PIK3AP1: variants seen among roughly 807,000 people sequenced by gnomAD.
PIK3AP1 encodes the protein phosphoinositide 3-kinase adapter protein 1.
In PIK3AP1, 21 loss-of-function variants were observed where a neutral mutation model predicts 88.1. The observed-to-expected ratio is 0.24, with a 90% CI of 0.17 to 0.34. The LOEUF is 0.34. PIK3AP1 is among the 10% of genes least tolerant of loss of function. The pLI, the probability that PIK3AP1 is intolerant of heterozygous loss-of-function variation, is 1.00. For missense variants in PIK3AP1, 828 were observed against 1,035.7 expected, an observed-to-expected ratio of 0.80 and a Z score of 2.75; for synonymous variants, 398 against 400.0, an observed-to-expected ratio of 1.00 and a Z score of 0.06.
intron 16 of PIK3AP1, among the ~76,000 whole-genome samples, chr10:96,597,365 T>TCC (rs1848788099): frequency 8.9e-6 from 1 of 112,542 alleles, no homozygotes; most frequent in Non-Finnish European, 1.8e-5. Flanking sequence ...CCTCTCTCTC[T>TCC]CTCTCTCTCT....
At chr10:96,656,133 C>G (rs1843611671) in intron 3 of PIK3AP1, among the ~76,000 whole-genome samples, 1 of 152,218 alleles carries the variant, frequency 6.6e-6, no homozygotes, top group Non-Finnish European at 1.5e-5. Flanking sequence ...AGGAAGCATT[C>G]TGCTGCTCTG....
chr10:96,604,413 G>T (rs1339084258), intron 14 of PIK3AP1, among the ~76,000 whole-genome samples: 2 of 129,048 alleles, frequency 1.5e-5, no homozygotes, highest in Non-Finnish European at 3.1e-5. Flanking sequence ...GCACAGGCTG[G>T]TCTTCAACTC....
chr10:96,624,694 C>T (rs1285796870), intron 10 of PIK3AP1, among the ~76,000 whole-genome samples: 1 of 152,028 alleles, frequency 6.6e-6, no homozygotes, highest in African/African-American at 2.4e-5. Flanking sequence ...AAATGACTTA[C>T]CCAATATCCT....
At chr10:96,630,901 A>G (rs991728866) in intron 8 of PIK3AP1, among the ~76,000 whole-genome samples, 2 of 152,160 alleles carry the variant, frequency 1.3e-5, no homozygotes, top group African/African-American at 2.4e-5. Context: ...CCCTGCTAAG[A>G]GCAGGACCCT....
At chr10:96,628,825 G>A (rs1843187927) in intron 8 of PIK3AP1, among the ~76,000 whole-genome samples, 1 of 135,110 alleles carries the variant, frequency 7.4e-6, no homozygotes, top group South Asian at 2.4e-4. Flanking sequence ...GGAATACATT[G>A]TGTTTTATAT....
At chr10:96,703,670 A>G (rs1383974494) in intron 2 of PIK3AP1, among the ~76,000 whole-genome samples, 3 of 152,196 alleles carry the variant, frequency 2.0e-5, no homozygotes, top group Non-Finnish European at 4.4e-5. Context: ...CTTAATTTAA[A>G]ATAATCTTCC....
intron 2 of PIK3AP1, among the ~76,000 whole-genome samples, chr10:96,700,427 C>T (rs1844282207): frequency 6.6e-6 from 1 of 152,140 alleles, no homozygotes; most frequent in South Asian, 2.1e-4. Flanking sequence ...GTGAACAACC[C>T]CTGATTCCGC....
chr10:96,666,607 C>T (rs1389608304), intron 2 of PIK3AP1, among the ~76,000 whole-genome samples: 2 of 151,952 alleles, frequency 1.3e-5, no homozygotes, highest in African/African-American at 4.8e-5. Context: ...GGACCCACAA[C>T]TAAGCTACAT....
At chr10:96,653,124 T>C (rs780175428) in intron 3 of PIK3AP1, among the ~76,000 whole-genome samples, 20 of 151,916 alleles carry the variant, frequency 1.3e-4, no homozygotes, top group Non-Finnish European at 2.5e-4. Context: ...TAATAAAACT[T>C]AGCTGGGCGC....
chr10:96,659,916 A>G (rs2134242042), intron 2 of PIK3AP1, among the ~76,000 whole-genome samples: 1 of 152,260 alleles, frequency 6.6e-6, no homozygotes, highest in Admixed American at 6.5e-5. Context: ...GTTCTTCTTT[A>G]TAATACTAAT....
At chr10:96,637,328 A>T (rs1843325537) in intron 8 of PIK3AP1, among the ~76,000 whole-genome samples, 2 of 149,884 alleles carry the variant, frequency 1.3e-5, no homozygotes, top group South Asian at 2.1e-4. Context: ...ACACACACAC[A>T]CACACACACA....
chr10:96,670,592 TG>T (rs1220370013), intron 2 of PIK3AP1, among the ~76,000 whole-genome samples: 1 of 152,066 alleles, frequency 6.6e-6, no homozygotes, highest in Non-Finnish European at 1.5e-5. Context: ...ACCTTCTATA[TG>T]GGGGAAGGGC....
At position 96,628,390 on chromosome 10, in the gene PIK3AP1, T is replaced by C; in HGVS notation, c.1471+8A>G. On this transcript the variant is annotated splice_region_variant and intron_variant, in intron 9 of 16. Coordinates refer to ENST00000339364, the MANE Select transcript of PIK3AP1 (RefSeq NM_152309.3). ...CTTTTGGCTTCCCTGCTCATGGCTA[T>C]GACTTACCTTCTAAAAACTTGCGGA... 6.3e-7 allele frequency: 1 copy of C among 1,586,826 alleles called. No homozygotes were observed. The highest frequency in any genetic ancestry group is 8.7e-7 in the Non-Finnish European group (1 of 1,155,118).
intron 8 of PIK3AP1, among the ~76,000 whole-genome samples, chr10:96,640,685 G>T (rs1309592510): frequency 6.6e-6 from 1 of 151,548 alleles, no homozygotes; most frequent in Non-Finnish European, 1.5e-5. Flanking sequence ...TTGAGACAGG[G>T]TCCCATTTTG....
intron 8 of PIK3AP1, among the ~76,000 whole-genome samples, chr10:96,643,068 C>A (rs1843412603): frequency 6.6e-6 from 1 of 152,168 alleles, no homozygotes; most frequent in South Asian, 2.1e-4. Context: ...GCCTGTATCT[C>A]CAACACCCAG....
At chr10:96,711,179 C>G (rs56089860) in intron 1 of PIK3AP1, among the ~76,000 whole-genome samples, 18,499 of 152,214 alleles carry the variant, frequency 0.12, 1,426 homozygotes, top group South Asian at 0.23. Context: ...TGCTCAACTT[C>G]ATACTCTAGA....
chr10:96,714,656 G>A (rs527579536), intron 1 of PIK3AP1, among the ~76,000 whole-genome samples: 19 of 152,326 alleles, frequency 1.2e-4, no homozygotes, highest in African/African-American at 4.6e-4. Context: ...ATATGAGCCT[G>A]GAGCATCTTG....
chr10:96,656,748 G>A, intron 3 of PIK3AP1, 50 bp downstream of exon 3: 6 of 1,603,336 alleles, frequency 3.7e-6, no homozygotes, highest in Non-Finnish European at 5.1e-6. Flanking sequence ...GCATGCATTT[G>A]AAAAGCCCAA....
chr10:96,675,774 A>G (rs1340105357), intron 2 of PIK3AP1, among the ~76,000 whole-genome samples: 1 of 152,230 alleles, frequency 6.6e-6, no homozygotes, highest in East Asian at 1.9e-4. Context: ...TAAGTGCTCA[A>G]TAAAAGGAAG....
Sources: allele counts gnomAD v4.1 joint callset (sites outside exome capture counted in the v4.1 genomes callset), GRCh38; gene constraint gnomAD v4.1.1; transcripts MANE v1.5; gene names NCBI Gene and HGNC (gene_info 2026-07-23, HGNC 2026-07-21).